SET: variants seen among roughly 807,000 people sequenced by gnomAD.
SET encodes protein SET.
In SET, 4 loss-of-function variants were observed where a neutral mutation model predicts 39.0. The ratio of observed to expected loss-of-function variants is 0.10; its 90% CI spans 0.05 to 0.23. SET has a LOEUF of 0.23. Among genes scored for constraint, SET ranks in the 10% least tolerant of loss-of-function variants. SET has a pLI of 1.00. For synonymous variants in SET, 114 were observed against 115.9 expected (o/e 0.98, Z 0.11); for missense variants, 137 against 329.7 (o/e 0.42, Z 4.53).
upstream of SET, among the ~76,000 whole-genome samples, chr9:128,688,412 A>G (rs1861361934): frequency 6.6e-6 from 1 of 152,156 alleles, no homozygotes; most frequent in Non-Finnish European, 1.5e-5. Flanking sequence ...CTATGAACAG[A>G]ACACCGCCTA....
In SET at chr9:128,694,238, G is replaced by GTT. The variant is rs200361641; in HGVS notation, c.810+196_810+197insTT. Among the ~76,000 whole-genome samples the GTT allele has an allele frequency of 1.3e-4, 19 of 142,792 alleles. No individual in the cohort carries two copies. The East Asian group carries it at 3.4e-3, about 26-fold the overall frequency. The allele number at this position is 142,792 out of a possible 152,430, so 93.7% of individuals were successfully genotyped here. On this transcript the variant is annotated intron_variant, in intron 7 of 7. Coordinates refer to ENST00000322030, the MANE Select transcript of SET (RefSeq NM_003011.4). The stretch of plus-strand genomic sequence containing the variant: ...ACTAATGTTTAACTAGGTTTTTTTT[G>GTT]GTTTTTTTTTGGGTTTTTTTGGTTA...
Position 128,689,359 on chromosome 9 carries a change from G to T in SET, c.-224G>T. ...GCCTCCCCTCCGCGAACAGGAGCCC[G>T]GGCCGGGGCCCGGCACGCCGCCCCA... On this transcript the variant is annotated 5_prime_UTR_variant, in exon 1 of 8. Coordinates refer to ENST00000322030, the MANE Select transcript of SET (RefSeq NM_003011.4). The T allele has an allele frequency of 9.6e-7, 1 of 1,038,228 alleles. No homozygotes were observed. Among genetic ancestry groups the T allele is most frequent in the South Asian group, 4.5e-5 (1 of 22,364 alleles). The allele number at this position is 1,038,228 out of a possible 1,614,324, so 64.3% of individuals were successfully genotyped here. A position where few individuals can be genotyped will look rare whatever the true frequency, so the allele number is the denominator to read the frequency against.
At position 128,692,087 on chromosome 9, in the gene SET, G is replaced by A. The variant is rs895795612; in HGVS notation, c.274+87G>A. On this transcript the variant is annotated intron_variant, in intron 3 of 7. Coordinates refer to ENST00000322030, the MANE Select transcript of SET (RefSeq NM_003011.4). ...GGTGAAGACTTAGTCCAGCATGCTG[G>A]GTTGCGTGCAACAAAGACAGGCTGG... 6.0e-6 allele frequency: 9 copies of A among 1,496,798 alleles called. No individual in the cohort carries two copies. In the African/African-American group the frequency reaches 1.1e-4, roughly 19 times the overall value. 92.7% of individuals were successfully genotyped at this position (1,496,798 alleles called of 1,614,324 possible). A position where few individuals can be genotyped will look rare whatever the true frequency, so the allele number is the denominator to read the frequency against.
In SET at chr9:128,689,554, C is replaced by G. The variant is rs756094856; in HGVS notation, c.-29C>G. 2 of 1,285,814 alleles carry G rather than the reference C, an allele frequency of 1.6e-6. No homozygotes were observed. Among genetic ancestry groups the G allele is most frequent in the Admixed American group, 5.7e-5 (2 of 35,214 alleles). 79.7% of individuals were successfully genotyped at this position (1,285,814 alleles called of 1,614,324 possible). A position where few individuals can be genotyped will look rare whatever the true frequency, so the allele number is the denominator to read the frequency against. On this transcript the variant is annotated 5_prime_UTR_variant, in exon 1 of 8. Coordinates refer to ENST00000322030, the MANE Select transcript of SET (RefSeq NM_003011.4). Reference sequence around the variant, plus strand: ...TCGCCTTCCCTTCTCTCCCCCTCCCCGCTCCCCCCCCGACCGCGGAGCAGC... The same window carrying G: ...TCGCCTTCCCTTCTCTCCCCCTCCCGGCTCCCCCCCCGACCGCGGAGCAGC...
chr9:128,693,410 G>A (rs1045931101), intron 5 of SET, among the ~76,000 whole-genome samples: 3 of 152,160 alleles, frequency 2.0e-5, no homozygotes, highest in Admixed American at 2.0e-4. Flanking sequence ...ACTGTGTTGT[G>A]CTAGTGGCTG....
rs1861683604 is a variant in SET at position 128,695,065 on chromosome 9, C to CAA, written c.*402_*403insAA. 1 of 231,788 alleles carries CAA rather than the reference C, an allele frequency of 4.3e-6. No individual in the cohort carries two copies. Among genetic ancestry groups the CAA allele is most frequent in the African/African-American group, 2.2e-5 (1 of 45,270 alleles). The allele number at this position is 231,788 out of a possible 1,614,324, so 14.4% of individuals were successfully genotyped here. A position where few individuals can be genotyped will look rare whatever the true frequency, so the allele number is the denominator to read the frequency against. ...TCCTCCTTTCTCTGTATATTGGGCT[C>CAA]AGAGAGTACACTGTGTCTCTATGTG... On this transcript the variant is annotated 3_prime_UTR_variant, in exon 8 of 8. Coordinates refer to ENST00000322030, the MANE Select transcript of SET (RefSeq NM_003011.4).
chr9:128,693,029 A>T (rs1861603047), intron 5 of SET, 48 bp downstream of exon 5: 4 of 1,308,068 alleles, frequency 3.1e-6, no homozygotes, highest in Non-Finnish European at 4.4e-6. Context: ...TGCCTATTTC[A>T]GTTTAGTTTT....
chr9:128,685,817 AG>A (rs1861264262), upstream of SET, among the ~76,000 whole-genome samples: 1 of 152,112 alleles, frequency 6.6e-6, no homozygotes, highest in African/African-American at 2.4e-5. Context: ...AGATCACCTG[AG>A]GTCAGAAGTT....
upstream of SET, chr9:128,685,160 T>C: frequency 6.3e-7 from 1 of 1,589,286 alleles, no homozygotes. Flanking sequence ...CAGTCCCTTT[T>C]CCTCCACATG....
chr9:128,684,441 C>T (rs1382056985), upstream of SET, among the ~76,000 whole-genome samples: 1 of 152,154 alleles, frequency 6.6e-6, no homozygotes, highest in Non-Finnish European at 1.5e-5. Flanking sequence ...TGGCCTGAAT[C>T]TCTGCCACCT....
At chr9:128,691,078 TGTTTTA>T in intron 1 of SET, 86 bp from the exon 2 acceptor site, 1 of 1,024,290 alleles carries the variant, frequency 9.8e-7, no homozygotes, top group Non-Finnish European at 1.5e-6. Flanking sequence ...TTTTTGTTTT[TGTTTTA>T]ATGGCTTTTG....
chr9:128,687,131 G>A (rs987033833), upstream of SET, among the ~76,000 whole-genome samples: 1 of 151,630 alleles, frequency 6.6e-6, no homozygotes, highest in Non-Finnish European at 1.5e-5. Flanking sequence ...GCCGAGGTGG[G>A]CAGATCACCT....
upstream of SET, among the ~76,000 whole-genome samples, chr9:128,684,800 A>G (rs569223734): frequency 1.3e-4 from 20 of 152,170 alleles, no homozygotes; most frequent in African/African-American, 4.8e-4. Context: ...GTGAGCCCCA[A>G]CACTTGGGAG....
chr9:128,685,050 C>A, upstream of SET: 1 of 1,500,770 alleles, frequency 6.7e-7, no homozygotes. Flanking sequence ...AAACGGGAAG[C>A]TTTGATTGGC....
At position 128,692,528 on chromosome 9, in the gene SET, T is replaced by C. The variant is rs560532066; in HGVS notation, c.275-134T>C. The stretch of plus-strand genomic sequence containing the variant: ...ATAGTGACAGTCTGATATTGAGCAA[T>C]TGCCTTTAGTTAATAATGGGTTTAT... On this transcript the variant is annotated intron_variant, in intron 3 of 7. Coordinates refer to ENST00000322030, the MANE Select transcript of SET (RefSeq NM_003011.4). The C allele has an allele frequency of 6.1e-5, 38 of 618,106 alleles. No homozygotes were observed. In the South Asian group the frequency reaches 7.3e-4, roughly 12 times the overall value. The allele number at this position is 618,106 out of a possible 1,614,324, so 38.3% of individuals were successfully genotyped here.
At position 128,692,938 on chromosome 9, in the gene SET, A is replaced by G. The variant is rs1429859567; in HGVS notation, c.449A>G (p.Asp150Gly). The change falls in exon 5 of 8, where the codon GAT becomes GGT. Residue 150 changes from aspartate (D) to glycine (G), a missense_variant. Around this residue, in one of 3 missense-constraint regions of SET, gnomAD observed 59 missense variants for 237.2 expected, o/e 0.25. Coordinates refer to ENST00000322030, the MANE Select transcript of SET (RefSeq NM_003011.4). ...SKEFHLNESGDPSSKSTEIKW... is the reference protein window; with the variant it reads ...SKEFHLNESGGPSSKSTEIKW... ...GAATTTCATCTGAATGAGAGTGGTG[A>G]TCCATCTTCGAAGTCCACCGAAATC... The G allele has an allele frequency of 1.2e-6, 2 of 1,608,130 alleles. No homozygotes were observed. Among genetic ancestry groups the G allele is most frequent in the Non-Finnish European group, 1.7e-6 (2 of 1,175,136 alleles).
rs1283478333 is a variant in SET, at chr9:128,689,226, C to T, written c.-357C>T. ...GCGCCTGCGCCCTGCGCCCGCCCCT[C>T]GCCGTAGGAGGAGGTGGAGGAGGAG... On this transcript the variant is annotated 5_prime_UTR_variant, in exon 1 of 8. Coordinates refer to ENST00000322030, the MANE Select transcript of SET (RefSeq NM_003011.4). The T allele has an allele frequency of 2.0e-6, 2 of 996,498 alleles. No homozygotes were observed. Among genetic ancestry groups the T allele is most frequent in the Non-Finnish European group, 2.4e-6 (2 of 836,686 alleles). The allele number at this position is 996,498 out of a possible 1,614,324, so 61.7% of individuals were successfully genotyped here. A position where few individuals can be genotyped will look rare whatever the true frequency, so the allele number is the denominator to read the frequency against.
upstream of SET, among the ~76,000 whole-genome samples, chr9:128,686,774 C>T (rs1210744479): frequency 6.6e-6 from 1 of 151,926 alleles, no homozygotes; most frequent in Non-Finnish European, 1.5e-5. Context: ...GAGTTTGAGA[C>T]CAGCCTGGGC....
At chr9:128,690,931 T>TA (rs747245727) in intron 1 of SET, 1 of 563,124 alleles carries the variant, frequency 1.8e-6, no homozygotes, top group Admixed American at 3.2e-5. Flanking sequence ...TGAAACTCTT[T>TA]AAAAAGGCGC....
Sources: allele counts gnomAD v4.1 joint callset (sites outside exome capture counted in the v4.1 genomes callset), GRCh38; gene constraint gnomAD v4.1.1; regional missense constraint gnomAD v4.1.1; transcripts MANE v1.5; gene names NCBI Gene and HGNC (gene_info 2026-07-23, HGNC 2026-07-21).